The following ETV1 variants were observed in gnomAD, a reference collection of about 807,000 sequenced individuals.
ETV1 encodes the protein ETS translocation variant 1.
ETV1 carries 27 observed loss-of-function variants against 62.3 expected under a neutral mutation model. The observed-to-expected ratio is 0.43, with a 90% CI of 0.32 to 0.60. The LOEUF (loss-of-function observed/expected upper bound fraction) is 0.60, where lower values mean the gene tolerates loss of function less well. Among genes scored for constraint, ETV1 ranks in the 20% least tolerant of loss-of-function variants. ETV1 has a pLI of 0.06. For synonymous variants in ETV1, 222 were observed against 199.6 expected, an observed-to-expected ratio of 1.11 and a Z score of -0.94; for missense variants, 605 against 605.8, an observed-to-expected ratio of 1.00 and a Z score of 0.01.
intron 9 of ETV1, among the ~76,000 whole-genome samples, chr7:13,919,562 C>CCA (rs1318679024): frequency 3.1e-4 from 31 of 100,004 alleles, no homozygotes; most frequent in African/African-American, 1.1e-3. Flanking sequence ...TAAATAGAAA[C>CCA]CATACACACA....
chr7:13,975,836 A>G (rs548636953), intron 6 of ETV1, among the ~76,000 whole-genome samples: 4 of 152,326 alleles, frequency 2.6e-5, no homozygotes, highest in Admixed American at 2.6e-4. Flanking sequence ...TAGGTGGTTC[A>G]TTTTACCCTG....
intron 9 of ETV1, among the ~76,000 whole-genome samples, chr7:13,917,893 G>A (rs1357591697): frequency 1.3e-5 from 2 of 151,904 alleles, no homozygotes; most frequent in Non-Finnish European, 2.9e-5. Flanking sequence ...GAACCCGGGA[G>A]GCGGAGCTTG....
In ETV1 at chr7:13,913,872, G is replaced by T. The variant is rs183564663; in HGVS notation, c.803-2565C>A. On this transcript the variant is annotated intron_variant, in intron 9 of 13. Coordinates refer to ENST00000430479, the MANE Select transcript of ETV1 (RefSeq NM_004956.5). ...CAGTAGATGCTTTAACTATTTGGGG[G>T]TACCTCTTTTTTTTTTTTTTTTTTT... Among the ~76,000 whole-genome samples the T allele has an allele frequency of 5.1e-3, 727 of 143,276 alleles. 9 individuals carry two copies. Among genetic ancestry groups the T allele is most frequent in the African/African-American group, 0.018 (678 of 38,654 alleles). The allele number at this position is 143,276 out of a possible 152,430, so 94.0% of individuals were successfully genotyped here. A position where few individuals can be genotyped will look rare whatever the true frequency, so the allele number is the denominator to read the frequency against.
intron 9 of ETV1, among the ~76,000 whole-genome samples, chr7:13,923,226 T>C (rs1435519764): frequency 6.6e-6 from 1 of 152,198 alleles, no homozygotes; most frequent in Non-Finnish European, 1.5e-5. Context: ...CCCAATTATT[T>C]AATCCTACAA....
intron 6 of ETV1, among the ~76,000 whole-genome samples, chr7:13,950,039 C>T (rs1359525932): frequency 2.0e-5 from 3 of 152,142 alleles, no homozygotes; most frequent in Admixed American, 2.0e-4. Flanking sequence ...GTTATGTGAA[C>T]TCTCATCCCT....
chr7:13,942,090 C>G (rs1326728259), intron 6 of ETV1, among the ~76,000 whole-genome samples: 1 of 140,086 alleles, frequency 7.1e-6, no homozygotes. Flanking sequence ...GTGGCGCGAT[C>G]TCGGCTCACT....
At chr7:13,937,732 G>T (rs181604685) in intron 7 of ETV1, among the ~76,000 whole-genome samples, 1 of 152,108 alleles carries the variant, frequency 6.6e-6, no homozygotes, top group Non-Finnish European at 1.5e-5. Flanking sequence ...AACTCAGATC[G>T]ATCAATACTG....
In ETV1 at chr7:13,900,821, T is replaced by C. The variant is rs1272210222; in HGVS notation, c.1129A>G (p.Ile377Val). 6.2e-7 allele frequency: 1 copy of C among 1,608,758 alleles called. No homozygotes were observed. The highest frequency in any genetic ancestry group is 8.5e-7 in the Non-Finnish European group (1 of 1,177,546). ...TTCATAGCTGGCCTGTTTTTCTGAA[T>C]GCCCCAACGTCGGGCCACCTGCCGC... ...EPEEVARRWG[I>V]QKNRPAMNYD... is the part of the protein sequence containing the mutation. The change falls in exon 13 of 14, where the codon ATT (isoleucine) becomes GTT (valine). Residue 377 changes from isoleucine to valine, a missense_variant. Ile to Val is a conservative substitution (Grantham distance 29). This residue lies in a region of ETV1 where 100 missense variants were observed against 156.4 expected (regional missense o/e 0.64). Transcript: ENST00000430479.
At chr7:13,972,855 C>T (rs1480199599) in intron 6 of ETV1, among the ~76,000 whole-genome samples, 1 of 152,108 alleles carries the variant, frequency 6.6e-6, no homozygotes, top group East Asian at 1.9e-4. Context: ...AGCAATTCTC[C>T]ACTTCAGCCT....
intron 6 of ETV1, among the ~76,000 whole-genome samples, chr7:13,957,332 C>T (rs1044682756): frequency 1.3e-4 from 20 of 152,106 alleles, no homozygotes; most frequent in African/African-American, 3.9e-4. Flanking sequence ...GTGATTTGCC[C>T]GCCTCAGCCT....
At chr7:13,919,703 T>C (rs1382538878) in intron 9 of ETV1, among the ~76,000 whole-genome samples, 2 of 152,148 alleles carry the variant, frequency 1.3e-5, no homozygotes, top group Non-Finnish European at 2.9e-5. Flanking sequence ...AAATAAAATG[T>C]CTCTTTTCCT....
At chr7:13,935,661 C>G (rs1238377783) in intron 8 of ETV1, 47 bp downstream of exon 8, 1 of 1,548,848 alleles carries the variant, frequency 6.5e-7, no homozygotes, top group Admixed American at 1.7e-5. Flanking sequence ...AAATTTTTTC[C>G]AAGAACGCAA....
intron 6 of ETV1, among the ~76,000 whole-genome samples, chr7:13,962,202 C>CACACGTGT (rs1554308974): frequency 3.4e-5 from 5 of 148,876 alleles, no homozygotes; most frequent in African/African-American, 1.3e-4. Context: ...CACACACACA[C>CACACGTGT]GTGTGTGTGT....
intron 6 of ETV1, among the ~76,000 whole-genome samples, chr7:13,963,686 G>C (rs1790451262): frequency 6.6e-6 from 1 of 152,010 alleles, no homozygotes; most frequent in Non-Finnish European, 1.5e-5. Flanking sequence ...ATATTAGCCT[G>C]CTTATATGTA....
At chr7:13,930,476 C>G (rs1785963884) in intron 9 of ETV1, among the ~76,000 whole-genome samples, 2 of 152,034 alleles carry the variant, frequency 1.3e-5, no homozygotes, top group African/African-American at 2.4e-5. Context: ...CACGTGCCAG[C>G]ATGCCCGGTT....
intron 9 of ETV1, among the ~76,000 whole-genome samples, chr7:13,911,566 A>G (rs546376448): frequency 1.3e-5 from 2 of 152,310 alleles, no homozygotes; most frequent in East Asian, 3.9e-4. Flanking sequence ...GCTAAAAGTC[A>G]GCTCAAACAG....
intron 7 of ETV1, among the ~76,000 whole-genome samples, chr7:13,937,346 A>G (rs1422776396): frequency 6.6e-6 from 1 of 152,234 alleles, no homozygotes; most frequent in Admixed American, 6.5e-5. Flanking sequence ...TGGTTCACCT[A>G]ACTCATTCTC....
At chr7:13,933,907 T>C (rs1786482707) in intron 8 of ETV1, among the ~76,000 whole-genome samples, 1 of 152,180 alleles carries the variant, frequency 6.6e-6, no homozygotes, top group African/African-American at 2.4e-5. Context: ...TTAGGTCACC[T>C]AAAACCAGGC....
chr7:13,959,505 A>G (rs1192182828), intron 6 of ETV1, among the ~76,000 whole-genome samples: 1 of 152,194 alleles, frequency 6.6e-6, no homozygotes, highest in Non-Finnish European at 1.5e-5. Context: ...TTAAGTACCT[A>G]TCTATCTTTA....
Sources: gnomAD v4.1 joint callset for allele counts (sites outside exome capture counted in the v4.1 genomes callset) on GRCh38, gnomAD v4.1.1 for gene constraint, gnomAD v4.1.1 regional missense constraint, MANE v1.5 for transcripts, NCBI Gene and HGNC (gene_info 2026-07-23, HGNC 2026-07-21) for gene names.